RNF216: variants seen among roughly 807,000 people sequenced by gnomAD.
The protein encoded by RNF216 is E3 ubiquitin-protein ligase RNF216.
A neutral mutation model predicts 110.8 loss-of-function variants in RNF216; 72 were observed. The ratio of observed to expected loss-of-function variants is 0.65; its 90% CI spans 0.54 to 0.79. The LOEUF (loss-of-function observed/expected upper bound fraction) is 0.79. Among genes scored for constraint, RNF216 ranks in the 30% least tolerant of loss-of-function variants. The pLI, the probability that RNF216 is intolerant of heterozygous loss-of-function variation, is 0.00. For synonymous variants in RNF216, 495 were observed against 407.5 expected, an observed-to-expected ratio of 1.21 and a Z score of -2.59; for missense variants, 1,342 against 1,141.2, an observed-to-expected ratio of 1.18 and a Z score of -2.54.
chr7:5,747,761 A>AAAAAAAAAG (rs1795106277), intron 3 of RNF216, among the ~76,000 whole-genome samples: 2 of 126,226 alleles, frequency 1.6e-5, no homozygotes, highest in African/African-American at 9.1e-5. Context: ...AAAAAAAAAA[A>AAAAAAAAAG]AAAAAAAAAA....
intron 11 of RNF216, among the ~76,000 whole-genome samples, chr7:5,713,988 G>GA (rs1031282480): frequency 6.6e-6 from 1 of 152,062 alleles, no homozygotes; most frequent in East Asian, 1.9e-4. Flanking sequence ...CACGCTCTTT[G>GA]AAAAAACATA....
At chr7:5,699,884 T>A (rs1005521267) in intron 13 of RNF216, among the ~76,000 whole-genome samples, 2 of 152,192 alleles carry the variant, frequency 1.3e-5, no homozygotes, top group African/African-American at 4.8e-5. Context: ...TTTATCTTTG[T>A]CTCAAAGTCA....
chr7:5,733,716 C>A (rs562994728), intron 5 of RNF216, among the ~76,000 whole-genome samples: 1 of 146,980 alleles, frequency 6.8e-6, no homozygotes, highest in East Asian at 2.0e-4. Context: ...ACAATTCACA[C>A]GCAAGGGAAA....
intron 7 of RNF216, among the ~76,000 whole-genome samples, chr7:5,727,563 C>A (rs1343346780): frequency 1.3e-5 from 2 of 151,698 alleles, no homozygotes; most frequent in African/African-American, 4.8e-5. Flanking sequence ...CCCATTTCTA[C>A]AAAAAATGAA....
rs1019380135 is a variant in RNF216 at position 5,715,167 on chromosome 7, G to C, written c.1719C>G (p.Arg573=). ...CGAATGGAAATTCCCCATAGCAGCA[G>C]CGACACTCAATCAGCTGGCCATCCT... The part of the protein sequence containing the change: ...YQKDGQLIEC[R]CCYGEFPFEE... The change falls in exon 11 of 17, where the codon CGC becomes CGG. Residue 573 remains arginine (R), a synonymous_variant. Transcript: ENST00000389902. 1.2e-6 allele frequency: 2 copies of C among 1,613,530 alleles called. No homozygotes were observed. Among genetic ancestry groups the C allele is most frequent in the African/African-American group, 1.3e-5 (1 of 75,042 alleles).
At chr7:5,633,144 A>G (rs1000694387) in intron 15 of RNF216, among the ~76,000 whole-genome samples, 2 of 151,812 alleles carry the variant, frequency 1.3e-5, no homozygotes, top group Non-Finnish European at 2.9e-5. Flanking sequence ...ATGCCCAGCT[A>G]ATTTTTGTAG....
intron 4 of RNF216, among the ~76,000 whole-genome samples, 155 bp downstream of exon 4, chr7:5,740,818 C>T (rs567931221): frequency 6.6e-6 from 1 of 151,150 alleles, no homozygotes; most frequent in African/African-American, 2.4e-5. Flanking sequence ...TTCATGTCTT[C>T]AGAGTGTCTC....
chr7:5,739,437 A>C, intron 4 of RNF216, 85 bp from the exon 5 acceptor site: 1 of 1,327,406 alleles, frequency 7.5e-7, no homozygotes, highest in Non-Finnish European at 1.1e-6. Context: ...AAAAAGTATA[A>C]TAAAATGACT....
intron 2 of RNF216, among the ~76,000 whole-genome samples, chr7:5,759,633 CTTTTT>C (rs560025609): frequency 2.3e-5 from 3 of 131,182 alleles, no homozygotes; most frequent in African/African-American, 5.7e-5. Context: ...CATTTTTCTT[CTTTTT>C]TTTTTTTTTT....
chr7:5,651,131 T>A (rs1320738207), intron 14 of RNF216, among the ~76,000 whole-genome samples: 1 of 152,240 alleles, frequency 6.6e-6, no homozygotes, highest in Non-Finnish European at 1.5e-5. Context: ...TTTCCCACTT[T>A]CTTTGGGTTT....
At chr7:5,736,657 T>A (rs1486812919) in intron 5 of RNF216, among the ~76,000 whole-genome samples, 1 of 133,204 alleles carries the variant, frequency 7.5e-6, no homozygotes. Flanking sequence ...CCGGCCACCA[T>A]CCCTTCTAGG....
chr7:5,628,001 C>T (rs1241069333), intron 15 of RNF216, among the ~76,000 whole-genome samples: 69 of 152,150 alleles, frequency 4.5e-4, no homozygotes, highest in Non-Finnish European at 1.5e-5. Flanking sequence ...AGCGCGAGCC[C>T]AGGTTTCTGA....
intron 5 of RNF216, among the ~76,000 whole-genome samples, chr7:5,734,330 G>A (rs900502705): frequency 6.6e-6 from 1 of 152,134 alleles, no homozygotes; most frequent in African/African-American, 2.4e-5. Flanking sequence ...AATGCTGAGT[G>A]AAAAGAAATC....
At chr7:5,645,681 G>A (rs60889993) in intron 14 of RNF216, among the ~76,000 whole-genome samples, 6,365 of 151,582 alleles carry the variant, frequency 0.042, 179 homozygotes, top group East Asian at 0.092. Context: ...ACCTCCATCT[G>A]CCGGGTTCAA....
At chr7:5,665,135 T>C (rs1406259517) in intron 13 of RNF216, among the ~76,000 whole-genome samples, 1 of 152,186 alleles carries the variant, frequency 6.6e-6, no homozygotes, top group East Asian at 1.9e-4. Context: ...CTTCTAACAG[T>C]GTCTTGTAAT....
chr7:5,640,135 C>T (rs952317645), intron 15 of RNF216, among the ~76,000 whole-genome samples: 41 of 151,618 alleles, frequency 2.7e-4, no homozygotes, highest in African/African-American at 9.2e-4. Flanking sequence ...TCGGCTCCAG[C>T]GATCCGCCCA....
At chr7:5,629,366 G>A (rs1159362009) in intron 15 of RNF216, among the ~76,000 whole-genome samples, 8 of 151,992 alleles carry the variant, frequency 5.3e-5, no homozygotes, top group African/African-American at 1.9e-4. Context: ...TTGTGGGGCT[G>A]AGGTGGGAGG....
At chr7:5,743,993 C>A (rs939984673) in intron 3 of RNF216, among the ~76,000 whole-genome samples, 2 of 152,122 alleles carry the variant, frequency 1.3e-5, no homozygotes, top group African/African-American at 4.8e-5. Flanking sequence ...TACACTCAAT[C>A]AAAAATAACT....
intron 13 of RNF216, among the ~76,000 whole-genome samples, chr7:5,672,292 T>G (rs572111794): frequency 6.6e-6 from 1 of 152,342 alleles, no homozygotes; most frequent in East Asian, 1.9e-4. Flanking sequence ...CCTAAATACA[T>G]GTTTACTTTG....
Sources: gnomAD v4.1 joint callset for allele counts (sites outside exome capture counted in the v4.1 genomes callset) on GRCh38, gnomAD v4.1.1 for gene constraint, MANE v1.5 for transcripts, NCBI Gene and HGNC (gene_info 2026-07-23, HGNC 2026-07-21) for gene names.